Variants in DNAH14 observed in about 807,000 individuals in gnomAD.
DNAH14 encodes the protein dynein axonemal heavy chain 14, also known as axonemal beta dynein heavy chain 14.
In DNAH14, 478 loss-of-function variants were observed where a neutral mutation model predicts 520.9. The ratio of observed to expected loss-of-function variants is 0.92; its 90% CI spans 0.85 to 0.99. DNAH14 has a LOEUF of 0.99. DNAH14 is among the 50% of genes least tolerant of loss of function. The pLI, the probability that DNAH14 is intolerant of heterozygous loss-of-function variation, is 0.00. For synonymous variants in DNAH14, 1,581 were observed against 1,757.2 expected (o/e 0.90, Z 2.51); for missense variants, 4,831 against 5,234.5 (o/e 0.92, Z 2.38).
intron 37 of DNAH14, among the ~76,000 whole-genome samples, chr1:225,192,376 T>C (rs1404539320): frequency 1.3e-5 from 2 of 152,264 alleles, no homozygotes; most frequent in East Asian, 1.9e-4. Context: ...CTGTTGTCTC[T>C]CACTTCTATA....
At chr1:225,143,061 C>G (rs1032814649) in intron 28 of DNAH14, among the ~76,000 whole-genome samples, 4 of 151,822 alleles carry the variant, frequency 2.6e-5, no homozygotes, top group Non-Finnish European at 5.9e-5. Flanking sequence ...TGCTTTGGAC[C>G]TAAAACTAAC....
intron 37 of DNAH14, among the ~76,000 whole-genome samples, chr1:225,189,280 G>C (rs2149336748): frequency 6.6e-6 from 1 of 151,654 alleles, no homozygotes; most frequent in East Asian, 1.9e-4. Context: ...ATCTTTTTGA[G>C]GATTTTTGCA....
intron 57 of DNAH14, 79 bp from the exon 58 acceptor site, chr1:225,304,829 A>T: frequency 8.2e-7 from 1 of 1,225,398 alleles, no homozygotes; most frequent in Non-Finnish European, 1.1e-6. Context: ...TATTTTAATT[A>T]ATTCTAAGTG....
Position 225,358,502 on chromosome 1 carries a change from G to T in DNAH14, c.11626G>T (p.Val3876Phe). The T allele has an allele frequency of 6.6e-7, 1 of 1,512,638 alleles. No individual in the cohort carries two copies. Among genetic ancestry groups the T allele is most frequent in the East Asian group, 2.5e-5 (1 of 39,490 alleles). The allele number at this position is 1,512,638 out of a possible 1,614,324, so 93.7% of individuals were successfully genotyped here. The change falls in exon 74 of 86, where the codon GTT (valine) becomes TTT (phenylalanine). Residue 3876 changes from valine (V) to phenylalanine (F), a missense_variant. Coordinates refer to ENST00000682510, the MANE Select transcript of DNAH14 (RefSeq NM_001367479.1). Reference sequence around the variant, plus strand: ...TCCATGTTTTCTTTTTTAGGTAAAAGTTCTTAGACCAGAAAGTTTAAACAA... The same window carrying T: ...TCCATGTTTTCTTTTTTAGGTAAAATTTCTTAGACCAGAAAGTTTAAACAA... ...TSFQRLILVK[V>F]LRPESLNNSV... is the part of the protein sequence containing the mutation.
intron 1 of DNAH14, among the ~76,000 whole-genome samples, chr1:224,950,728 G>A (rs1287587498): frequency 6.6e-6 from 1 of 152,192 alleles, no homozygotes; most frequent in African/African-American, 2.4e-5. Flanking sequence ...ACCTGTTTTT[G>A]TATGTCTACA....
intron 44 of DNAH14, among the ~76,000 whole-genome samples, chr1:225,257,172 C>T (rs1160596208): frequency 1.3e-5 from 2 of 152,204 alleles, no homozygotes; most frequent in Admixed American, 1.3e-4. Context: ...CCATAGACTG[C>T]ATCACTGCTT....
chr1:224,988,113 A>G (rs1045209134), intron 8 of DNAH14, among the ~76,000 whole-genome samples: 4 of 151,606 alleles, frequency 2.6e-5, no homozygotes, highest in African/African-American at 9.7e-5. Flanking sequence ...TCCATGCGTT[A>G]TCATTGTTCA....
intron 3 of DNAH14, among the ~76,000 whole-genome samples, chr1:224,957,529 A>G (rs1053519046): frequency 1.3e-5 from 2 of 152,140 alleles, no homozygotes; most frequent in African/African-American, 4.8e-5. Context: ...AAGGAACAGT[A>G]GCAATTACGA....
chr1:225,123,763 A>T, intron 27 of DNAH14, 149 bp downstream of exon 27: 1 of 185,468 alleles, frequency 5.4e-6, no homozygotes, highest in Non-Finnish European at 1.2e-5. Flanking sequence ...TTATGTTTAC[A>T]CTATCCTGTA....
chr1:225,274,337 T>C (rs1011447471), intron 52 of DNAH14, among the ~76,000 whole-genome samples: 1 of 151,366 alleles, frequency 6.6e-6, no homozygotes, highest in Non-Finnish European at 1.5e-5. Flanking sequence ...CCCGAGTAGC[T>C]GGGACTACAG....
Position 225,303,159 on chromosome 1 carries a change from A to C in DNAH14, c.8635A>C (p.Ile2879Leu). Residue 2879 changes from isoleucine (I) to leucine (L), a missense_variant, in exon 57 of 86, where the codon ATA becomes CTA. Ile to Leu is a conservative substitution (Grantham distance 5). Coordinates refer to ENST00000682510, the MANE Select transcript of DNAH14 (RefSeq NM_001367479.1). ...QSLLSFFQKR[I>L]YKNLHIFVIM... ...TTATATTTTCATTAATTTTCAGAGA[A>C]TATATAAAAATCTTCATATTTTTGT... 6.8e-7 allele frequency: 1 copy of C among 1,470,384 alleles called. No individual in the cohort carries two copies. The allele number at this position is 1,470,384 out of a possible 1,614,324, so 91.1% of individuals were successfully genotyped here.
rs568176019 is a variant in DNAH14, at chr1:225,259,402, TC to T, written c.7157+151del. ...GGAGATAAGAAGAAAATCCTTTTTT[TC>T]CTGATTTCTCTTTTATTTTTTCCAT... On this transcript the variant is annotated intron_variant, in intron 46 of 85. Transcript: ENST00000682510. 14 of 573,322 alleles carry T rather than the reference TC, an allele frequency of 2.4e-5. No individual in the cohort carries two copies. The South Asian group carries it at 5.7e-4, about 23-fold the overall frequency. The allele number at this position is 573,322 out of a possible 1,614,324, so 35.5% of individuals were successfully genotyped here. A position where few individuals can be genotyped will look rare whatever the true frequency, so the allele number is the denominator to read the frequency against.
At chr1:225,140,468 G>A (rs1316189869) in intron 27 of DNAH14, among the ~76,000 whole-genome samples, 1 of 152,114 alleles carries the variant, frequency 6.6e-6, no homozygotes, top group Non-Finnish European at 1.5e-5. Context: ...TATCATCTTG[G>A]AGTTTTCCAC....
chr1:225,186,638 AT>A (rs2084786868), intron 37 of DNAH14, among the ~76,000 whole-genome samples: 1 of 151,978 alleles, frequency 6.6e-6, no homozygotes, highest in South Asian at 2.1e-4. Flanking sequence ...TTGATTATTT[AT>A]TCTACACTAA....
chr1:225,344,606 C>T (rs1349839897), intron 69 of DNAH14, among the ~76,000 whole-genome samples: 1 of 152,170 alleles, frequency 6.6e-6, no homozygotes, highest in Non-Finnish European at 1.5e-5. Flanking sequence ...GTATGTACCA[C>T]ATTTTCTTCA....
At chr1:225,152,114 AATC>A (rs909358232) in intron 32 of DNAH14, 41 bp downstream of exon 32, 2 of 1,493,388 alleles carry the variant, frequency 1.3e-6, no homozygotes, top group Non-Finnish European at 1.8e-6. Context: ...CACAGACAAA[AATC>A]ATTTTCTTAA....
intron 23 of DNAH14, among the ~76,000 whole-genome samples, chr1:225,101,396 A>T (rs1285855599): frequency 6.6e-6 from 1 of 152,064 alleles, no homozygotes; most frequent in Non-Finnish European, 1.5e-5. Context: ...TTTTAAATGT[A>T]AAATTAAATT....
chr1:225,296,991 A>T (rs1302499379), intron 55 of DNAH14, among the ~76,000 whole-genome samples: 5 of 152,104 alleles, frequency 3.3e-5, no homozygotes, highest in Non-Finnish European at 5.9e-5. Context: ...ACTTGGGGAC[A>T]TTGGAGCTTC....
rs553931259 is a variant in DNAH14 at position 225,301,062 on chromosome 1, G to A, written c.8631+32G>A. 7 of 1,533,150 alleles carry A rather than the reference G, an allele frequency of 4.6e-6. No individual in the cohort carries two copies. The East Asian group carries it at 1.7e-4, about 38-fold the overall frequency. The allele number at this position is 1,533,150 out of a possible 1,614,324, so 95.0% of individuals were successfully genotyped here. Reference sequence around the variant, plus strand: ...TTTTGTGACTTGGCTTTATCAAATTGTCATGTTAAAAGTAGACCGTGTTTA... The same window carrying A: ...TTTTGTGACTTGGCTTTATCAAATTATCATGTTAAAAGTAGACCGTGTTTA... On this transcript the variant is annotated intron_variant, in intron 56 of 85. Coordinates refer to ENST00000682510, the MANE Select transcript of DNAH14 (RefSeq NM_001367479.1).
Sources: allele counts gnomAD v4.1 joint callset (sites outside exome capture counted in the v4.1 genomes callset), GRCh38; gene constraint gnomAD v4.1.1; transcripts MANE v1.5; gene names NCBI Gene and HGNC (gene_info 2026-07-23, HGNC 2026-07-21).